The following ZNFX1 variants were observed in gnomAD, a reference collection of about 807,000 sequenced individuals.
ZNFX1 encodes NFX1-type zinc finger-containing protein 1.
ZNFX1 carries 78 observed loss-of-function variants against 179.8 expected under a neutral mutation model. The ratio of observed to expected loss-of-function variants is 0.43; its 90% CI spans 0.36 to 0.52. ZNFX1 has a LOEUF of 0.52. ZNFX1 is among the 20% of genes least tolerant of loss of function. The probability of loss-of-function intolerance (pLI) is 0.00; values close to 1 mark genes in which losing one functional copy is unlikely to be tolerated. For missense variants in ZNFX1, 1,927 were observed against 2,386.6 expected (o/e 0.81, Z 4.01); for synonymous variants, 848 against 868.5 (o/e 0.98, Z 0.42).
intron 1 of ZNFX1, among the ~76,000 whole-genome samples, chr20:49,276,677 G>T (rs1981568849): frequency 6.6e-6 from 1 of 152,240 alleles, no homozygotes; most frequent in Admixed American, 6.5e-5. Context: ...TAAGGAAAGA[G>T]TGGGTGACTC....
At chr20:49,253,635 A>G (rs1980897603) in intron 11 of ZNFX1, 31 bp downstream of exon 11, 1 of 1,612,922 alleles carries the variant, frequency 6.2e-7, no homozygotes, top group South Asian at 1.1e-5. Flanking sequence ...ACGGAGAGCC[A>G]GCCCATCTTC....
intron 2 of ZNFX1, among the ~76,000 whole-genome samples, chr20:49,275,204 G>C (rs551288580): frequency 2.0e-5 from 3 of 152,078 alleles, no homozygotes; most frequent in Admixed American, 2.0e-4. Flanking sequence ...TACACCAAAC[G>C]TCATTTCCCT....
At position 49,255,893 on chromosome 20, in the gene ZNFX1, T is replaced by G. The variant is rs1980959182; in HGVS notation, c.2719A>C (p.Lys907Gln). 1 of 1,614,070 alleles carries G rather than the reference T, an allele frequency of 6.2e-7. No homozygotes were observed. The highest frequency in any genetic ancestry group is 1.3e-5 in the African/African-American group (1 of 74,926). The change falls in exon 9 of 14, where the codon AAA (lysine) becomes CAA (glutamine). Residue 907 changes from lysine to glutamine, a missense_variant. Lys to Gln is a moderately conservative substitution (Grantham distance 53). Coordinates refer to ENST00000396105, the MANE Select transcript of ZNFX1 (RefSeq NM_021035.3). ...TCGGCTGCAGTCATGGTGTTCAGTT[T>G]GCGAAGCTCATCCTTCACTCTTTTT... The part of the protein sequence containing the change: ...MKKRVKDELR[K>Q]LNTMTAAEAN...
At chr20:49,276,943 T>C (rs1981578102) in intron 1 of ZNFX1, among the ~76,000 whole-genome samples, 1 of 152,034 alleles carries the variant, frequency 6.6e-6, no homozygotes, top group African/African-American at 2.4e-5. Flanking sequence ...GAAAATTCCT[T>C]CTTCCCCTTG....
chr20:49,275,342 T>C, intron 2 of ZNFX1, among the ~76,000 whole-genome samples: 1 of 151,986 alleles, frequency 6.6e-6, no homozygotes, highest in East Asian at 1.9e-4. Flanking sequence ...CTCATTCTTT[T>C]TTTTTTTGAG....
At chr20:49,254,459 T>TA in intron 10 of ZNFX1, 36 bp downstream of exon 10, 2 of 1,609,684 alleles carry the variant, frequency 1.2e-6, no homozygotes, top group Non-Finnish European at 1.7e-6. Context: ...GAAGTGAACT[T>TA]AGATGCAACA....
At chr20:49,274,549 G>A (rs1051520517) in intron 2 of ZNFX1, among the ~76,000 whole-genome samples, 2 of 151,664 alleles carry the variant, frequency 1.3e-5, no homozygotes, top group African/African-American at 4.8e-5. Flanking sequence ...CCTGAGGTTA[G>A]GAGTTTGAGA....
rs370207762 is a variant in ZNFX1, at chr20:49,270,190, G to C, written c.1622C>G (p.Ser541Cys). 1 of 1,614,054 alleles carries C rather than the reference G, an allele frequency of 6.2e-7. No individual in the cohort carries two copies. The highest frequency in any genetic ancestry group is 8.5e-7 in the Non-Finnish European group (1 of 1,180,034). Reference protein sequence around the residue: ...PFQRNIVECNSHVKEPRYLLM... With the variant: ...PFQRNIVECNCHVKEPRYLLM... ...CAAGTACCTTGGCTCCTTCACATGA[G>C]AGTTACACTCCACGATATTCCTCTG... is the stretch of plus-strand genomic sequence containing the variant. Residue 541 changes from serine to cysteine, a missense_variant, in exon 3 of 14, where the codon TCT (serine) becomes TGT (cysteine). Transcript: ENST00000396105. The surrounding 1 kb of genome is among the most constrained non-coding windows in gnomAD (Gnocchi z 4.6).
In ZNFX1 at chr20:49,249,728, G is replaced by A; in HGVS notation, c.3313-17C>T. ...AGACACCCCCTGACAGGGAAAAGAAGTGACATGTTAAAAGGTTCACTCATG... is the reference window on the plus strand; with the variant it reads ...AGACACCCCCTGACAGGGAAAAGAAATGACATGTTAAAAGGTTCACTCATG... On this transcript the variant is annotated splice_polypyrimidine_tract_variant and intron_variant, in intron 13 of 13. Coordinates refer to ENST00000396105, the MANE Select transcript of ZNFX1 (RefSeq NM_021035.3). The A allele has an allele frequency of 6.3e-7, 1 of 1,597,590 alleles. No individual in the cohort carries two copies. The highest frequency in any genetic ancestry group is 8.5e-7 in the Non-Finnish European group (1 of 1,170,606).
In ZNFX1 at chr20:49,271,591, C is replaced by A; in HGVS notation, c.221G>T (p.Gly74Val). 2.5e-6 allele frequency: 4 copies of A among 1,614,180 alleles called. No individual in the cohort carries two copies. Among genetic ancestry groups the A allele is most frequent in the Non-Finnish European group, 3.4e-6 (4 of 1,180,042 alleles). Residue 74 changes from glycine to valine, a missense_variant, in exon 3 of 14, where the codon GGC becomes GTC. Coordinates refer to ENST00000396105, the MANE Select transcript of ZNFX1 (RefSeq NM_021035.3). The stretch of plus-strand genomic sequence containing the variant: ...CCTCCTTCCTTGATGTGGGTTCCTG[C>A]CCATGGCCCTAAATCTCTCTTCCCT... ...WQREERFRAM[G>V]RNPHQGRRNQ...
At chr20:49,252,673 G>T in intron 12 of ZNFX1, 47 bp downstream of exon 12, 1 of 1,471,624 alleles carries the variant, frequency 6.8e-7, no homozygotes, top group South Asian at 1.1e-5. Context: ...AGCTTCCCAG[G>T]AGCTTTCTCC....
chr20:49,254,218 G>C (rs1296842685), intron 10 of ZNFX1, among the ~76,000 whole-genome samples: 3 of 152,000 alleles, frequency 2.0e-5, no homozygotes, highest in African/African-American at 7.3e-5. Flanking sequence ...GTAGAGATGA[G>C]ATTTCACCAT....
chr20:49,269,913 C>A, intron 3 of ZNFX1, 29 bp downstream of exon 3: 49 of 1,559,668 alleles, frequency 3.1e-5, no homozygotes, highest in Non-Finnish European at 4.2e-5. Flanking sequence ...CAAAGCAGAT[C>A]TTATGTACTC....
chr20:49,269,465 T>C (rs1981323614), intron 3 of ZNFX1, among the ~76,000 whole-genome samples: 2 of 152,158 alleles, frequency 1.3e-5, no homozygotes, highest in Admixed American at 1.3e-4. Context: ...GTGGATCACC[T>C]GAGGTCGGGA....
Position 49,247,311 on chromosome 20 carries a change from C to T in ZNFX1, c.5713G>A (p.Ala1905Thr), listed in dbSNP as rs751229991. ...GAQHAAWSDTANNLMNFEEIQ... is the reference protein window; with the variant it reads ...GAQHAAWSDTTNNLMNFEEIQ... ...TCCTCAAAGTTCATCAGGTTGTTGG[C>T]CGTGTCAGACCAGGCAGCATGCTGG... The change falls in exon 14 of 14, where the codon GCC (alanine) becomes ACC (threonine). Residue 1905 changes from alanine to threonine, a missense_variant. Transcript: ENST00000396105. The T allele has an allele frequency of 1.2e-6, 2 of 1,613,358 alleles. No individual in the cohort carries two copies. Among genetic ancestry groups the T allele is most frequent in the Admixed American group, 1.7e-5 (1 of 59,944 alleles).
Position 49,248,012 on chromosome 20 carries a change from T to C in ZNFX1, c.5012A>G (p.Lys1671Arg). 6.2e-7 allele frequency: 1 copy of C among 1,614,202 alleles called. No individual in the cohort carries two copies. Among genetic ancestry groups the C allele is most frequent in the East Asian group, 2.2e-5 (1 of 44,878 alleles). The change falls in exon 14 of 14, where the codon AAG (lysine) becomes AGG (arginine). Residue 1671 changes from lysine to arginine, a missense_variant. Lys to Arg is a conservative substitution (Grantham distance 26). Coordinates refer to ENST00000396105, the MANE Select transcript of ZNFX1 (RefSeq NM_021035.3). The surrounding 1 kb of genome is among the most constrained non-coding windows in gnomAD (Gnocchi z 4.6). ...QERLKALLER[K>R]SLLHQLLPED... ...AGGAAGCAGCTGGTGGAGGAGGCTCTTCCTCTCCAGCAGGGCCTTAAGCCG... is the reference window on the plus strand; with the variant it reads ...AGGAAGCAGCTGGTGGAGGAGGCTCCTCCTCTCCAGCAGGGCCTTAAGCCG...
At position 49,251,540 on chromosome 20, in the gene ZNFX1, T is replaced by C; in HGVS notation, c.3299A>G (p.Tyr1100Cys). ...AGACAGACTCACCTTAATCTTCTCA[T>C]ACTTAAGAACAGATGGATGATTCTC... ...DLENHPSVLKYEKIKGVSSNL... is the reference protein window; with the variant it reads ...DLENHPSVLKCEKIKGVSSNL... Residue 1100 changes from tyrosine to cysteine, a missense_variant, in exon 13 of 14, where the codon TAT becomes TGT. Coordinates refer to ENST00000396105, the MANE Select transcript of ZNFX1 (RefSeq NM_021035.3). The C allele has an allele frequency of 1.2e-6, 2 of 1,611,986 alleles. No individual in the cohort carries two copies. Among genetic ancestry groups the C allele is most frequent in the Non-Finnish European group, 1.7e-6 (2 of 1,178,864 alleles).
At position 49,260,544 on chromosome 20, in the gene ZNFX1, G is replaced by A; in HGVS notation, c.2335C>T (p.His779Tyr). ...CCTAGCCACTCCAGCATCATGGAAT[G>A]CTTCCAGTGCTGGAAGCAAATCCAT... ...SEWICFQHWK[H>Y]SMMLEWLGLG... Residue 779 changes from histidine to tyrosine, a missense_variant, in exon 7 of 14, where the codon CAT (histidine) becomes TAT (tyrosine). By Grantham distance (83) the His-to-Tyr change is moderately conservative. Transcript: ENST00000396105. 6.2e-7 allele frequency: 1 copy of A among 1,612,534 alleles called. No homozygotes were observed. Among genetic ancestry groups the A allele is most frequent in the Non-Finnish European group, 8.5e-7 (1 of 1,179,368 alleles).
chr20:49,273,982 C>A (rs1299360450), intron 2 of ZNFX1, among the ~76,000 whole-genome samples: 2 of 152,192 alleles, frequency 1.3e-5, no homozygotes, highest in Non-Finnish European at 2.9e-5. Context: ...AGTTCTTCCT[C>A]ATTTGTTCCA....
Sources: allele counts gnomAD v4.1 joint callset (sites outside exome capture counted in the v4.1 genomes callset), GRCh38; gene constraint gnomAD v4.1.1; non-coding constraint Gnocchi (gnomAD v3.1); transcripts MANE v1.5; gene names NCBI Gene and HGNC (gene_info 2026-07-23, HGNC 2026-07-21).